Variants in L3MBTL1 observed in about 807,000 individuals in gnomAD.
L3MBTL1 encodes the protein lethal(3)malignant brain tumor-like protein 1.
L3MBTL1 carries 75 observed loss-of-function variants against 105.3 expected under a neutral mutation model. The observed-to-expected ratio is 0.71, with a 90% CI of 0.59 to 0.86. The LOEUF (loss-of-function observed/expected upper bound fraction) is 0.86, where lower values mean the gene tolerates loss of function less well. Ranked by LOEUF, L3MBTL1 falls within the 40% of genes least tolerant of loss-of-function variation. The pLI, the probability that L3MBTL1 is intolerant of heterozygous loss-of-function variation, is 0.00. For synonymous variants in L3MBTL1, 452 were observed against 436.2 expected (o/e 1.04, Z -0.45); for missense variants, 1,069 against 1,126.4 (o/e 0.95, Z 0.73).
intron 11 of L3MBTL1, 55 bp downstream of exon 11, chr20:43,530,944 A>C (rs1161475758): frequency 6.9e-7 from 1 of 1,447,790 alleles, no homozygotes. Flanking sequence ...AGTTCACTGC[A>C]GCTGGCCCAG....
At chr20:43,511,107 A>C (rs1355647244) in intron 1 of L3MBTL1, among the ~76,000 whole-genome samples, 1 of 151,228 alleles carries the variant, frequency 6.6e-6, no homozygotes, top group Non-Finnish European at 1.5e-5. Flanking sequence ...GTACAGTGGG[A>C]CGATCTCGGC....
Position 43,541,873 on chromosome 20 carries a change from A to G in L3MBTL1, c.*745A>G, listed in dbSNP as rs972304270. On this transcript the variant is annotated 3_prime_UTR_variant, in exon 22 of 22. Coordinates refer to ENST00000418998, the MANE Select transcript of L3MBTL1 (RefSeq NM_001377303.1). Reference sequence around the variant, plus strand: ...AAATGACTGCTATGGTGGGAACACAATAAACACCAGTTTTGACTTTTAGTG... The same window carrying G: ...AAATGACTGCTATGGTGGGAACACAGTAAACACCAGTTTTGACTTTTAGTG... 16 of 985,334 alleles carry G rather than the reference A, an allele frequency of 1.6e-5. No homozygotes were observed. Among genetic ancestry groups the G allele is most frequent in the South Asian group, 1.4e-4 (3 of 21,294 alleles). The allele number at this position is 985,334 out of a possible 1,614,324, so 61.0% of individuals were successfully genotyped here. A position where few individuals can be genotyped will look rare whatever the true frequency, so the allele number is the denominator to read the frequency against.
At chr20:43,532,373 T>C (rs752225477) in intron 11 of L3MBTL1, 5 of 182,390 alleles carry the variant, frequency 2.7e-5, no homozygotes, top group Admixed American at 1.1e-4. Flanking sequence ...TGGTTCCCTG[T>C]CTGCCTCTAT....
At chr20:43,533,580 C>T (rs932557573) in intron 13 of L3MBTL1, among the ~76,000 whole-genome samples, 162 bp downstream of exon 13, 4 of 152,138 alleles carry the variant, frequency 2.6e-5, no homozygotes. Flanking sequence ...AGTTGAGAAC[C>T]CTTTGATTTT....
rs2019528812 is a variant in L3MBTL1 at position 43,534,925 on chromosome 20, C to T, written c.1808C>T (p.Pro603Leu). 1.2e-6 allele frequency: 2 copies of T among 1,603,618 alleles called. No homozygotes were observed. Among genetic ancestry groups the T allele is most frequent in the East Asian group, 2.2e-5 (1 of 44,820 alleles). The change falls in exon 16 of 22, where the codon CCC becomes CTC. Residue 603 changes from proline (P) to leucine (L), a missense_variant. Pro to Leu is a moderately conservative substitution (Grantham distance 98). Coordinates refer to ENST00000418998, the MANE Select transcript of L3MBTL1 (RefSeq NM_001377303.1). ...GGCTGGTGCTCCAAGACAGGACATC[C>T]CCTGCAGCCTCCTCTCGGTGTGTAC... ...PAGWCSKTGH[P>L]LQPPLGPREP...
intron 4 of L3MBTL1, 83 bp from the exon 5 acceptor site, chr20:43,514,926 A>T (rs1233483394): frequency 6.5e-7 from 1 of 1,530,396 alleles, no homozygotes; most frequent in Non-Finnish European, 8.9e-7. Flanking sequence ...ACCGAGGCGG[A>T]GGCAGGGCCT....
chr20:43,522,456 AGTTTTTTT>A (rs2018768637), intron 7 of L3MBTL1, among the ~76,000 whole-genome samples: 4 of 89,874 alleles, frequency 4.5e-5, no homozygotes, highest in Non-Finnish European at 9.3e-5. Flanking sequence ...TTCCCTGCTA[AGTTTTTTT>A]TTTTTTTTTT....
chr20:43,527,893 G>T (rs529114633), intron 7 of L3MBTL1, among the ~76,000 whole-genome samples: 8 of 149,678 alleles, frequency 5.3e-5, no homozygotes, highest in Admixed American at 1.3e-4. Flanking sequence ...ATAATTTTTG[G>T]TTTTTTGTTT....
chr20:43,536,658 A>G (rs2019649972), intron 19 of L3MBTL1, among the ~76,000 whole-genome samples, 200 bp downstream of exon 19: 2 of 152,094 alleles, frequency 1.3e-5, no homozygotes, highest in Non-Finnish European at 2.9e-5. Flanking sequence ...TTCCAATCTC[A>G]TGTCCCCCAT....
downstream of L3MBTL1, among the ~76,000 whole-genome samples, chr20:43,543,223 G>T (rs1399393029): frequency 6.6e-6 from 1 of 151,998 alleles, no homozygotes. Context: ...TGTTAATAAG[G>T]CTTTCCAACC....
At chr20:43,511,546 C>T (rs985362409) in intron 1 of L3MBTL1, among the ~76,000 whole-genome samples, 3 of 152,046 alleles carry the variant, frequency 2.0e-5, no homozygotes, top group African/African-American at 4.8e-5. Flanking sequence ...CTTTGGGAGG[C>T]CGAGGTGGGC....
chr20:43,511,754 C>G (rs2018140615), intron 1 of L3MBTL1, among the ~76,000 whole-genome samples: 1 of 147,684 alleles, frequency 6.8e-6, no homozygotes. Context: ...GCACTCTAGC[C>G]TGGGCAACAG....
Position 43,541,245 on chromosome 20 carries a change from G to A in L3MBTL1, c.*117G>A, listed in dbSNP as rs112959405. On this transcript the variant is annotated 3_prime_UTR_variant, in exon 22 of 22. Transcript: ENST00000418998. ...ACACACACTTAAAATCAAGAGCCAA[G>A]GAGTAGTGAGTTGTAGATAAAAAAA... 3,834 of 1,495,308 alleles carry A rather than the reference G, an allele frequency of 2.6e-3. 77 individuals carry two copies. The East Asian group carries it at 0.034, about 13-fold the overall frequency. 92.6% of individuals were successfully genotyped at this position (1,495,308 alleles called of 1,614,324 possible).
In L3MBTL1 at chr20:43,514,030, C is replaced by A; in HGVS notation, c.329C>A (p.Ala110Asp). The change falls in exon 3 of 22, where the codon GCC becomes GAC. Residue 110 changes from alanine (A) to aspartate (D), a missense_variant. Ala to Asp is a moderately radical substitution (Grantham distance 126). Coordinates refer to ENST00000418998, the MANE Select transcript of L3MBTL1 (RefSeq NM_001377303.1). Reference sequence around the variant, plus strand: ...GTGCGGCTTCTGGAATGGACAGAGGCCGCGGCCCCGCCCCCAGGGGGCGGC... The same window carrying A: ...GTGCGGCTTCTGGAATGGACAGAGGACGCGGCCCCGCCCCCAGGGGGCGGC... ...STVRLLEWTE[A>D]AAPPPGGGLR... 1 of 1,536,658 alleles carries A rather than the reference C, an allele frequency of 6.5e-7. No homozygotes were observed. The highest frequency in any genetic ancestry group is 8.7e-7 in the Non-Finnish European group (1 of 1,146,610).
At chr20:43,513,426 G>A (rs149287967) in intron 1 of L3MBTL1, 50 bp from the exon 2 acceptor site, 2 of 1,498,074 alleles carry the variant, frequency 1.3e-6, no homozygotes, top group African/African-American at 2.8e-5. Flanking sequence ...CATTGCTGCT[G>A]TAACAAAGGT....
At chr20:43,532,246 G>GA in intron 11 of L3MBTL1, 1 of 152,628 alleles carries the variant, frequency 6.6e-6, no homozygotes, top group South Asian at 2.1e-4. Flanking sequence ...CCCCGCCGTT[G>GA]ACTAGCATTG....
In L3MBTL1 at chr20:43,522,457, GTTTTTTTTTTTT is replaced by G. The variant is rs1176856356; in HGVS notation, c.863-6180_863-6169del. Among the ~76,000 whole-genome samples, 8 of 95,892 alleles carry G rather than the reference GTTTTTTTTTTTT, an allele frequency of 8.3e-5. No individual in the cohort carries two copies. In the South Asian group the frequency reaches 1.4e-3, roughly 17 times the overall value. The allele number at this position is 95,892 out of a possible 152,430, so 62.9% of individuals were successfully genotyped here. A position where few individuals can be genotyped will look rare whatever the true frequency, so the allele number is the denominator to read the frequency against. On this transcript the variant is annotated intron_variant, in intron 7 of 21. Coordinates refer to ENST00000418998, the MANE Select transcript of L3MBTL1 (RefSeq NM_001377303.1). ...TGGTAACTGAATTTTTCCCTGCTAA[GTTTTTTTTTTTT>G]TTTTTTTTTTTTTTTTTTTGGAGAC...
At chr20:43,511,677 A>G (rs1200707302) in intron 1 of L3MBTL1, among the ~76,000 whole-genome samples, 1 of 150,752 alleles carries the variant, frequency 6.6e-6, no homozygotes, top group Non-Finnish European at 1.5e-5. Context: ...CCTAGTCAGG[A>G]GGCTGAGGTA....
Position 43,513,481 on chromosome 20 carries a change from C to A in L3MBTL1, c.-23C>A. 6.5e-7 allele frequency: 1 copy of A among 1,548,910 alleles called. No individual in the cohort carries two copies. The highest frequency in any genetic ancestry group is 8.7e-7 in the Non-Finnish European group (1 of 1,145,892). The stretch of plus-strand genomic sequence containing the variant: ...GGGCTATGTTTGGCTTGTAGGCCTG[C>A]CAGGATGGAGGGGCATGCTGGGATG... On this transcript the variant is annotated 5_prime_UTR_variant, in exon 2 of 22. Transcript: ENST00000418998.
Sources: gnomAD v4.1 joint callset for allele counts (sites outside exome capture counted in the v4.1 genomes callset) on GRCh38, gnomAD v4.1.1 for gene constraint, MANE v1.5 for transcripts, NCBI Gene and HGNC (gene_info 2026-07-23, HGNC 2026-07-21) for gene names.